Variants in CSMD1 observed in about 807,000 individuals in gnomAD.
CSMD1 encodes the protein CUB and Sushi multiple domains 1.
A neutral mutation model predicts 417.5 loss-of-function variants in CSMD1; 213 were observed. That is an observed-to-expected ratio of 0.51 (90% confidence interval 0.46 to 0.57). CSMD1 has a LOEUF of 0.57. Among genes scored for constraint, CSMD1 ranks in the 20% least tolerant of loss-of-function variants. The pLI is 0.00. For synonymous variants in CSMD1, 2,862 were observed against 1,736.8 expected, an observed-to-expected ratio of 1.65 and a Z score of -16.11; for missense variants, 6,923 against 4,529.7, an observed-to-expected ratio of 1.53 and a Z score of -15.17.
At chr8:4,166,580 T>A (rs1165759283) in intron 3 of CSMD1, among the ~76,000 whole-genome samples, 1 of 152,112 alleles carries the variant, frequency 6.6e-6, no homozygotes, top group African/African-American at 2.4e-5. Flanking sequence ...ATGAGAATGA[T>A]ATAATGGACT....
intron 28 of CSMD1, among the ~76,000 whole-genome samples, chr8:3,221,327 G>A (rs1798199138): frequency 1.3e-5 from 2 of 152,132 alleles, no homozygotes; most frequent in African/African-American, 4.8e-5. Flanking sequence ...GAATGAAGAA[G>A]GAATAAAAGG....
intron 15 of CSMD1, among the ~76,000 whole-genome samples, chr8:3,400,544 A>T (rs1341064549): frequency 6.6e-6 from 1 of 152,058 alleles, no homozygotes; most frequent in Non-Finnish European, 1.5e-5. Context: ...AATACAGAAA[A>T]AATAAAAGCA....
chr8:3,996,058 T>A (rs989522981), intron 5 of CSMD1, among the ~76,000 whole-genome samples: 3 of 152,212 alleles, frequency 2.0e-5, no homozygotes, highest in Admixed American at 6.5e-5. Context: ...AATGGTCCCA[T>A]CAACTTTTCA....
chr8:3,906,096 T>G (rs547031540), intron 5 of CSMD1, among the ~76,000 whole-genome samples: 2 of 152,302 alleles, frequency 1.3e-5, no homozygotes, highest in Non-Finnish European at 2.9e-5. Context: ...CTTCCCATGA[T>G]GCTAACCTCA....
chr8:4,334,950 T>C (rs11784794), intron 3 of CSMD1, among the ~76,000 whole-genome samples: 3,436 of 152,212 alleles, frequency 0.023, 51 homozygotes, highest in Middle Eastern at 0.034. Flanking sequence ...TGCTACATCC[T>C]CACATGACAG....
intron 25 of CSMD1, among the ~76,000 whole-genome samples, chr8:3,302,831 C>T (rs1026999511): frequency 6.6e-6 from 1 of 152,110 alleles, no homozygotes; most frequent in Non-Finnish European, 1.5e-5. Context: ...TGGTTGGGAG[C>T]TGGTGTTATT....
chr8:3,322,208 A>C (rs962277569), intron 23 of CSMD1, among the ~76,000 whole-genome samples: 1 of 152,234 alleles, frequency 6.6e-6, no homozygotes, highest in Non-Finnish European at 1.5e-5. Flanking sequence ...CAGGAACATG[A>C]ATAACAGCAC....
intron 5 of CSMD1, among the ~76,000 whole-genome samples, chr8:3,938,089 T>G (rs555263214): frequency 6.6e-6 from 1 of 152,260 alleles, no homozygotes; most frequent in Non-Finnish European, 1.5e-5. Context: ...GATCGTGTAG[T>G]AGAAATTTTG....
At chr8:3,362,463 T>C (rs1809255578) in intron 20 of CSMD1, among the ~76,000 whole-genome samples, 1 of 152,162 alleles carries the variant, frequency 6.6e-6, no homozygotes. Context: ...TCCAAAGGCT[T>C]TCCTTTCTTA....
Position 4,334,173 on chromosome 8 carries a change from C to G in CSMD1, c.415+85780G>C, listed in dbSNP as rs143079160. On this transcript the variant is annotated intron_variant, in intron 3 of 69. Transcript: ENST00000635120. Reference sequence around the variant, plus strand: ...CCTCTGGCCTCAGCTTCCCAAAGTGCTGGGATTACAGGTGTGAGCCACCAT... The same window carrying G: ...CCTCTGGCCTCAGCTTCCCAAAGTGGTGGGATTACAGGTGTGAGCCACCAT... Among the ~76,000 whole-genome samples the G allele has an allele frequency of 4.3e-4, 65 of 152,248 alleles. 1 individual carries two copies. In the East Asian group the frequency reaches 0.011, roughly 26 times the overall value.
chr8:4,752,922 T>A (rs1224895368), intron 1 of CSMD1, among the ~76,000 whole-genome samples: 2 of 152,194 alleles, frequency 1.3e-5, no homozygotes, highest in African/African-American at 2.4e-5. Flanking sequence ...ATTACAGGGC[T>A]TCCCAGTGGC....
chr8:4,435,732 T>C (rs919289255), intron 2 of CSMD1, among the ~76,000 whole-genome samples: 4 of 152,186 alleles, frequency 2.6e-5, no homozygotes, highest in Non-Finnish European at 5.9e-5. Flanking sequence ...CCTTGAGATC[T>C]GTCTTGGCCA....
At chr8:3,313,736 G>A (rs1402660892) in intron 23 of CSMD1, among the ~76,000 whole-genome samples, 1 of 152,100 alleles carries the variant, frequency 6.6e-6, no homozygotes, top group Non-Finnish European at 1.5e-5. Context: ...TCTAGAACTA[G>A]AAATACCATT....
At chr8:4,347,441 C>T (rs575030356) in intron 3 of CSMD1, among the ~76,000 whole-genome samples, 27 of 152,220 alleles carry the variant, frequency 1.8e-4, no homozygotes, top group African/African-American at 6.3e-4. Context: ...TAGCCAAACA[C>T]ACACAAGAGC....
chr8:4,077,963 G>T (rs1015823998), intron 3 of CSMD1, among the ~76,000 whole-genome samples: 1 of 152,068 alleles, frequency 6.6e-6, no homozygotes, highest in Non-Finnish European at 1.5e-5. Flanking sequence ...CCCTGCATGT[G>T]TGTCCCCAGG....
intron 1 of CSMD1, among the ~76,000 whole-genome samples, chr8:4,922,612 T>C (rs866216235): frequency 6.6e-6 from 1 of 152,180 alleles, no homozygotes; most frequent in Non-Finnish European, 1.5e-5. Flanking sequence ...AGAGAAGGTA[T>C]GCAGATAACA....
chr8:3,488,885 A>T (rs1008197918), intron 11 of CSMD1, among the ~76,000 whole-genome samples: 1 of 152,164 alleles, frequency 6.6e-6, no homozygotes, highest in South Asian at 2.1e-4. Context: ...TAAGAATCTT[A>T]TTTCTATTTG....
intron 26 of CSMD1, among the ~76,000 whole-genome samples, chr8:3,265,101 T>C (rs573961669): frequency 8.5e-5 from 13 of 152,328 alleles, no homozygotes; most frequent in African/African-American, 3.1e-4. Context: ...CTCTTGTAGC[T>C]GGCACCATGT....
chr8:3,985,003 C>T (rs1229462920), intron 5 of CSMD1, among the ~76,000 whole-genome samples: 1 of 151,988 alleles, frequency 6.6e-6, no homozygotes, highest in African/African-American at 2.4e-5. Flanking sequence ...CTGGGAAAAT[C>T]ACGGATCTCA....
Sources: allele counts gnomAD v4.1 joint callset (sites outside exome capture counted in the v4.1 genomes callset), GRCh38; gene constraint gnomAD v4.1.1; transcripts MANE v1.5; gene names NCBI Gene and HGNC (gene_info 2026-07-23, HGNC 2026-07-21).